UBE3C: variants seen among roughly 807,000 people sequenced by gnomAD.
The protein encoded by UBE3C is ubiquitin-protein ligase E3C.
UBE3C carries 42 observed loss-of-function variants against 129.4 expected under a neutral mutation model. That is an observed-to-expected ratio of 0.32 (90% CI 0.25 to 0.42). The LOEUF is 0.42. Among genes scored for constraint, UBE3C ranks in the 10% least tolerant of loss-of-function variants. The probability of loss-of-function intolerance (pLI) is 1.00; values close to 1 mark genes in which losing one functional copy is unlikely to be tolerated. For synonymous variants in UBE3C, 510 were observed against 492.4 expected, an observed-to-expected ratio of 1.04 and a Z score of -0.47; for missense variants, 1,049 against 1,319.1, an observed-to-expected ratio of 0.80 and a Z score of 3.17.
intron 21 of UBE3C, 38 bp downstream of exon 21, chr7:157,254,348 T>C: frequency 7.8e-7 from 1 of 1,274,796 alleles, no homozygotes; most frequent in Admixed American, 2.8e-5. Flanking sequence ...CTGAAAATGT[T>C]GCAGGTGGTC....
At chr7:157,173,179 G>A (rs1808424812) in intron 4 of UBE3C, among the ~76,000 whole-genome samples, 8 of 152,146 alleles carry the variant, frequency 5.3e-5, no homozygotes, top group Admixed American at 5.2e-4. Flanking sequence ...TTTGAGACCA[G>A]CCTGGCCAAA....
At chr7:157,213,633 C>G (rs774787255) in intron 13 of UBE3C, among the ~76,000 whole-genome samples, 3 of 152,088 alleles carry the variant, frequency 2.0e-5, no homozygotes, top group African/African-American at 7.2e-5. Flanking sequence ...TAAGGTGTTT[C>G]GAGATCACAA....
At chr7:157,241,112 G>A (rs115307946) in intron 18 of UBE3C, among the ~76,000 whole-genome samples, 1 of 152,124 alleles carries the variant, frequency 6.6e-6, no homozygotes, top group African/African-American at 2.4e-5. Context: ...TCTGTGCCCG[G>A]TGGTTCAAGG....
chr7:157,206,409 C>T (rs534403689), intron 11 of UBE3C, among the ~76,000 whole-genome samples: 22 of 151,420 alleles, frequency 1.5e-4, no homozygotes, highest in Middle Eastern at 3.4e-3. Flanking sequence ...ATTACAGGCA[C>T]GTGCCACCAC....
intron 10 of UBE3C, chr7:157,192,349 C>G: frequency 1.6e-6 from 1 of 613,472 alleles, no homozygotes; most frequent in Admixed American, 2.1e-5. Context: ...CCGCCATCTG[C>G]GGTGGAGCCG....
In UBE3C at chr7:157,220,588, C is replaced by A. The variant is rs1026039354; in HGVS notation, c.1915-101C>A. The A allele has an allele frequency of 7.1e-5, 98 of 1,372,320 alleles. No homozygotes were observed. In the African/African-American group the frequency reaches 1.1e-3, roughly 16 times the overall value. 85.0% of individuals were successfully genotyped at this position (1,372,320 alleles called of 1,614,324 possible). On this transcript the variant is annotated intron_variant, in intron 14 of 22. Coordinates refer to ENST00000348165, the MANE Select transcript of UBE3C (RefSeq NM_014671.3). The stretch of plus-strand genomic sequence containing the variant: ...ATGAGGTCAGAGAGAGGGCCCAGCC[C>A]ACGGTAGAGAAATGTCCAGCACCAA...
At chr7:157,218,348 C>G (rs1428223373) in intron 14 of UBE3C, among the ~76,000 whole-genome samples, 1 of 151,812 alleles carries the variant, frequency 6.6e-6, no homozygotes, top group Non-Finnish European at 1.5e-5. Context: ...GGGACTGAGG[C>G]TGAGGCAGGA....
intron 11 of UBE3C, among the ~76,000 whole-genome samples, chr7:157,205,032 CTGAGT>C (rs1169251018): frequency 2.0e-5 from 3 of 152,240 alleles, no homozygotes; most frequent in African/African-American, 7.2e-5. Flanking sequence ...CCTAGCTCCC[CTGAGT>C]TATGTGTGAA....
chr7:157,153,184 TG>T (rs1807805730), intron 1 of UBE3C, among the ~76,000 whole-genome samples: 2 of 152,000 alleles, frequency 1.3e-5, no homozygotes, highest in Non-Finnish European at 2.9e-5. Context: ...GATGAAAGAG[TG>T]GGACTCCCTC....
In UBE3C at chr7:157,249,251, C is replaced by G. The variant is rs1033288355; in HGVS notation, c.2694+671C>G. ...CACCCATTAGCAGGCTCCCCCACCT[C>G]CCGCAGGCAGCCACCAGTCCACTCT... On this transcript the variant is annotated intron_variant, in intron 19 of 22. Coordinates refer to ENST00000348165, the MANE Select transcript of UBE3C (RefSeq NM_014671.3). Among the ~76,000 whole-genome samples the G allele has an allele frequency of 2.6e-5, 4 of 152,152 alleles. No individual in the cohort carries two copies. The South Asian group carries it at 8.3e-4, about 32-fold the overall frequency.
intron 17 of UBE3C, among the ~76,000 whole-genome samples, chr7:157,229,580 G>T (rs1795967544): frequency 6.6e-6 from 1 of 152,140 alleles, no homozygotes; most frequent in Non-Finnish European, 1.5e-5. Context: ...GCCTCCCAAA[G>T]TGCTGGGATT....
intron 2 of UBE3C, 150 bp downstream of exon 2, chr7:157,164,013 A>G (rs917809998): frequency 7.8e-5 from 58 of 743,634 alleles, no homozygotes; most frequent in Middle Eastern, 4.0e-4. Flanking sequence ...AGAAACATTT[A>G]TTCTGGAGCC....
chr7:157,249,298 G>A (rs1796560884), intron 19 of UBE3C, among the ~76,000 whole-genome samples: 1 of 151,896 alleles, frequency 6.6e-6, no homozygotes, highest in African/African-American at 2.4e-5. Flanking sequence ...GGCCTGCTGT[G>A]GACACTTCAC....
intron 9 of UBE3C, among the ~76,000 whole-genome samples, chr7:157,186,184 A>G (rs1002787829): frequency 2.6e-5 from 4 of 152,062 alleles, no homozygotes; most frequent in Non-Finnish European, 5.9e-5. Context: ...AGCACTTGGG[A>G]AGGCTGAGGC....
intron 10 of UBE3C, among the ~76,000 whole-genome samples, chr7:157,187,512 G>A (rs1364600285): frequency 1.3e-5 from 2 of 151,286 alleles, no homozygotes; most frequent in Non-Finnish European, 2.9e-5. Context: ...CTTCTGAGTA[G>A]CTGGGACCAC....
At chr7:157,151,996 C>T (rs1261900708) in intron 1 of UBE3C, among the ~76,000 whole-genome samples, 1 of 152,194 alleles carries the variant, frequency 6.6e-6, no homozygotes, top group African/African-American at 2.4e-5. Context: ...GAACCCCAAG[C>T]AAGCATCAGT....
chr7:157,204,266 G>T (rs1332001228), intron 11 of UBE3C, among the ~76,000 whole-genome samples: 2 of 152,056 alleles, frequency 1.3e-5, no homozygotes, highest in Non-Finnish European at 2.9e-5. Context: ...TAACAGTAAG[G>T]CTTGCATTGC....
In UBE3C at chr7:157,178,705, T is replaced by C; in HGVS notation, c.474T>C (p.Cys158=). Residue 158 remains cysteine (C), a synonymous_variant, in exon 6 of 23, where the codon TGT becomes TGC. Transcript: ENST00000348165. ...ATTTTTACAGGTTGCTGCAAAACTG[T>C]AATGATGACAGTTTGAATGTTGCAC... The part of the protein sequence containing the change: ...MSLCCRLLQN[C]NDDSLNVALP... 4 of 1,614,012 alleles carry C rather than the reference T, an allele frequency of 2.5e-6. No individual in the cohort carries two copies. The highest frequency in any genetic ancestry group is 2.2e-5 in the South Asian group (2 of 91,078).
At chr7:157,161,332 C>CA (rs1430134065) in intron 1 of UBE3C, among the ~76,000 whole-genome samples, 5 of 152,070 alleles carry the variant, frequency 3.3e-5, no homozygotes, top group African/African-American at 1.2e-4. Flanking sequence ...AGTAAACAAT[C>CA]ATGAATCATT....
Sources: gnomAD v4.1 joint callset for allele counts (sites outside exome capture counted in the v4.1 genomes callset) on GRCh38, gnomAD v4.1.1 for gene constraint, MANE v1.5 for transcripts, NCBI Gene and HGNC (gene_info 2026-07-23, HGNC 2026-07-21) for gene names.